The following TTC28 variants were observed in gnomAD, a reference collection of about 807,000 sequenced individuals.
TTC28 encodes tetratricopeptide repeat protein 28.
Under a neutral mutation model 198.0 loss-of-function variants are expected in TTC28, and 61 were observed. The ratio of observed to expected loss-of-function variants is 0.31; its 90% confidence interval spans 0.25 to 0.38. The LOEUF is 0.38. Ranked by LOEUF, TTC28 falls within the 10% of genes least tolerant of loss-of-function variation. The pLI is 1.00. For synonymous variants in TTC28, 1,171 were observed against 1,297.8 expected, an observed-to-expected ratio of 0.90 and a Z score of 2.10; for missense variants, 2,678 against 3,164.0, an observed-to-expected ratio of 0.85 and a Z score of 3.69.
chr22:28,336,665 T>A (rs531774508), intron 2 of TTC28, among the ~76,000 whole-genome samples: 1 of 152,340 alleles, frequency 6.6e-6, no homozygotes, highest in South Asian at 2.1e-4. Flanking sequence ...ACTTTGTATT[T>A]CTGTGGTATC....
chr22:28,069,422 A>G (rs2146766434), intron 12 of TTC28, among the ~76,000 whole-genome samples: 1 of 152,290 alleles, frequency 6.6e-6, no homozygotes, highest in South Asian at 2.1e-4. Context: ...CAAAGAGGTC[A>G]TTTCTCTCTT....
chr22:28,449,595 C>T (rs1018978845), intron 2 of TTC28, among the ~76,000 whole-genome samples: 6 of 152,204 alleles, frequency 3.9e-5, no homozygotes, highest in Non-Finnish European at 7.4e-5. Context: ...AAATTCAAGT[C>T]AGTCAGATCC....
intron 2 of TTC28, among the ~76,000 whole-genome samples, chr22:28,335,611 G>C (rs1345238763): frequency 6.6e-6 from 1 of 152,130 alleles, no homozygotes; most frequent in African/African-American, 2.4e-5. Context: ...TTGTGAATGG[G>C]AGTTCACTCA....
rs748948933 is a variant in TTC28 at position 28,099,028 on chromosome 22, G to C, written c.3434C>G (p.Ala1145Gly). Reference sequence around the variant, plus strand: ...CTCATGTCGGATTGTTTCAAACAAGGCTGATGCCCTATAAAGCTGCAAGGA... The same window carrying C: ...CTCATGTCGGATTGTTTCAAACAAGCCTGATGCCCTATAAAGCTGCAAGGA... ...EAQHQLYRAS[A>G]LFETIRHEAQ... Residue 1145 changes from alanine (A) to glycine (G), a missense_variant, in exon 10 of 23, where the codon GCC (alanine) becomes GGC (glycine). Physicochemically the swap from Ala to Gly is moderately conservative, Grantham distance 60. Coordinates refer to ENST00000397906, the MANE Select transcript of TTC28 (RefSeq NM_001145418.2). 5.8e-6 allele frequency: 9 copies of C among 1,551,990 alleles called. No homozygotes were observed. Among genetic ancestry groups the C allele is most frequent in the Non-Finnish European group, 7.8e-6 (9 of 1,147,050 alleles).
At chr22:28,415,802 T>G (rs1245369194) in intron 2 of TTC28, among the ~76,000 whole-genome samples, 1 of 151,978 alleles carries the variant, frequency 6.6e-6, no homozygotes, top group Non-Finnish European at 1.5e-5. Flanking sequence ...ACTACAGTTG[T>G]ACATCTTCCT....
intron 12 of TTC28, among the ~76,000 whole-genome samples, chr22:28,077,728 A>T (rs1941214028): frequency 6.6e-6 from 1 of 152,248 alleles, no homozygotes; most frequent in African/African-American, 2.4e-5. Context: ...ATTTGTAAAT[A>T]TAGAAAAACA....
Position 28,550,563 on chromosome 22 carries a change from T to A in TTC28, c.381+78989A>T, listed in dbSNP as rs573024150. The stretch of plus-strand genomic sequence containing the variant: ...ATCAGGAGTGTGCGTCTATCATTTG[T>A]ATCAGTAGCAAAGCTAATATAAAAA... On this transcript the variant is annotated intron_variant, in intron 2 of 22. Transcript: ENST00000397906. Among the ~76,000 whole-genome samples the A allele has an allele frequency of 9.9e-4, 150 of 152,256 alleles. 1 individual carries two copies. Among genetic ancestry groups the A allele is most frequent in the Non-Finnish European group, 1.0e-3 (70 of 67,982 alleles).
At chr22:28,637,838 TAC>T (rs1470413749) in intron 1 of TTC28, among the ~76,000 whole-genome samples, 1 of 150,190 alleles carries the variant, frequency 6.7e-6, no homozygotes, top group Non-Finnish European at 1.5e-5. Flanking sequence ...GCTTTAAGGA[TAC>T]ACACAGACTG....
At chr22:28,055,169 A>C (rs758801424) in intron 12 of TTC28, among the ~76,000 whole-genome samples, 2 of 152,216 alleles carry the variant, frequency 1.3e-5, no homozygotes, top group Non-Finnish European at 2.9e-5. Flanking sequence ...TCATTCACTC[A>C]TCAAATATTT....
intron 3 of TTC28, among the ~76,000 whole-genome samples, chr22:28,298,786 C>A (rs982526366): frequency 6.6e-6 from 1 of 152,028 alleles, no homozygotes; most frequent in South Asian, 2.1e-4. Flanking sequence ...ATTAATAAAC[C>A]CTGTCCATAT....
intron 2 of TTC28, among the ~76,000 whole-genome samples, chr22:28,397,786 T>C (rs576323477): frequency 6.6e-6 from 1 of 152,350 alleles, no homozygotes; most frequent in African/African-American, 2.4e-5. Flanking sequence ...TCCCGCATTC[T>C]ATGTTCTTTC....
intron 5 of TTC28, among the ~76,000 whole-genome samples, chr22:28,186,079 T>A (rs1051788792): frequency 3.3e-5 from 5 of 152,212 alleles, no homozygotes; most frequent in African/African-American, 9.6e-5. Context: ...GCAATTTTTT[T>A]TAAAAATGGT....
chr22:28,558,805 C>T (rs1283522120), intron 2 of TTC28, among the ~76,000 whole-genome samples: 3 of 152,176 alleles, frequency 2.0e-5, no homozygotes, highest in South Asian at 4.2e-4. Context: ...CCAAGACAGG[C>T]GAATCACCTG....
At chr22:28,354,018 A>T (rs1030693714) in intron 2 of TTC28, among the ~76,000 whole-genome samples, 2 of 152,200 alleles carry the variant, frequency 1.3e-5, no homozygotes, top group South Asian at 2.1e-4. Flanking sequence ...CTATTATTTT[A>T]AAAATGGGGG....
chr22:28,254,624 T>G (rs546110101), intron 5 of TTC28, among the ~76,000 whole-genome samples: 1 of 151,952 alleles, frequency 6.6e-6, no homozygotes. Context: ...CAACAGTGAC[T>G]AAAGCTTAGA....
intron 6 of TTC28, among the ~76,000 whole-genome samples, chr22:28,111,781 A>T (rs1942488168): frequency 6.6e-6 from 1 of 152,074 alleles, no homozygotes; most frequent in Non-Finnish European, 1.5e-5. Context: ...AAGCCAGTAT[A>T]ATCACTTTTG....
chr22:28,445,301 G>A (rs970242210), intron 2 of TTC28, among the ~76,000 whole-genome samples: 1 of 152,168 alleles, frequency 6.6e-6, no homozygotes, highest in Non-Finnish European at 1.5e-5. Context: ...AAGAAGTTAG[G>A]ACAGAACCAA....
chr22:28,676,007 T>G (rs1304523890), intron 1 of TTC28, among the ~76,000 whole-genome samples: 1 of 152,108 alleles, frequency 6.6e-6, no homozygotes, highest in Non-Finnish European at 1.5e-5. Flanking sequence ...GTCTATTCCT[T>G]AGGTATATAC....
At chr22:28,088,288 C>A (rs1207610040) in intron 12 of TTC28, among the ~76,000 whole-genome samples, 1 of 152,138 alleles carries the variant, frequency 6.6e-6, no homozygotes, top group Admixed American at 6.6e-5. Context: ...GTAACCAAAA[C>A]AGCATGGTAC....
Sources: allele counts gnomAD v4.1 joint callset (sites outside exome capture counted in the v4.1 genomes callset), GRCh38; gene constraint gnomAD v4.1.1; transcripts MANE v1.5; gene names NCBI Gene and HGNC (gene_info 2026-07-23, HGNC 2026-07-21).